Variants in TSPAN17 observed in about 807,000 individuals in gnomAD.
The protein encoded by TSPAN17 is tetraspanin 17.
Under a neutral mutation model 40.5 loss-of-function variants are expected in TSPAN17, and 33 were observed. The observed-to-expected ratio is 0.81, with a 90% CI of 0.62 to 1.09. The LOEUF is 1.09. Ranked by LOEUF, TSPAN17 falls within the 50% of genes least tolerant of loss-of-function variation. The pLI is 0.00. For missense variants in TSPAN17, 365 were observed against 416.8 expected (o/e 0.88, Z 1.08); for synonymous variants, 166 against 169.4 (o/e 0.98, Z 0.15).
intron 5 of TSPAN17, among the ~76,000 whole-genome samples, 195 bp downstream of exon 5, chr5:176,655,215 C>T (rs893507697): frequency 6.6e-6 from 1 of 152,166 alleles, no homozygotes; most frequent in Non-Finnish European, 1.5e-5. Flanking sequence ...TCTTTTTTAT[C>T]GTAGTGAGAT....
At chr5:176,648,876 G>T (rs1042074452) in intron 1 of TSPAN17, among the ~76,000 whole-genome samples, 2 of 152,216 alleles carry the variant, frequency 1.3e-5, no homozygotes, top group Admixed American at 6.5e-5. Flanking sequence ...TGAAGGAATA[G>T]ACACAGAGAA....
intron 1 of TSPAN17, 75 bp downstream of exon 1, chr5:176,647,777 G>A: frequency 7.3e-7 from 1 of 1,373,612 alleles, no homozygotes; most frequent in Non-Finnish European, 9.9e-7. Flanking sequence ...TGCTGGGGGA[G>A]ACCACTCCCT....
intron 5 of TSPAN17, 51 bp from the exon 6 acceptor site, chr5:176,656,027 C>A: frequency 1.3e-6 from 2 of 1,564,000 alleles, no homozygotes; most frequent in Non-Finnish European, 1.8e-6. Flanking sequence ...GTACCATGGA[C>A]CCCATGGGAT....
intron 1 of TSPAN17, 98 bp downstream of exon 1, chr5:176,647,800 TGGAGCTCG>T: frequency 9.1e-6 from 11 of 1,214,600 alleles, no homozygotes; most frequent in Non-Finnish European, 1.1e-5. Flanking sequence ...CCCAAGAGTT[TGGAGCTCG>T]GGACCATCCC....
At position 176,650,284 on chromosome 5, in the gene TSPAN17, G is replaced by A. The variant is rs1760919873; in HGVS notation, c.88-1332G>A. ...GGAAGAACGGCAGAAGGCTGAGGCT[G>A]GAGGCCGTGGGACCAGCCACAGGTG... On this transcript the variant is annotated intron_variant, in intron 1 of 8. Transcript: ENST00000508164. This position sits in a 1 kb window ranked among gnomAD's most constrained non-coding sequence, Gnocchi z 4.0. Among the ~76,000 whole-genome samples, 1 of 152,220 alleles carries A rather than the reference G, an allele frequency of 6.6e-6. No individual in the cohort carries two copies. Among genetic ancestry groups the A allele is most frequent in the Non-Finnish European group, 1.5e-5 (1 of 68,044 alleles).
chr5:176,652,256 C>A (rs1256724692), intron 3 of TSPAN17, among the ~76,000 whole-genome samples: 1 of 152,222 alleles, frequency 6.6e-6, no homozygotes, highest in Non-Finnish European at 1.5e-5. Flanking sequence ...GGAACAGAGC[C>A]GGCTTCCCCA....
In TSPAN17 at chr5:176,657,588, G is replaced by A. The variant is rs1217717300; in HGVS notation, c.880G>A (p.Gly294Arg). Reference sequence around the variant, plus strand: ...CATTTCCGAGGTCCTGTCCACGGCGGGGCCTCAGCAGAACTCTCTGACTGG... The same window carrying A: ...CATTTCCGAGGTCCTGTCCACGGCGAGGCCTCAGCAGAACTCTCTGACTGG... ...PTISEVLSTA[G>R]PQQNSLTGAP... The change falls in exon 9 of 9, where the codon GGG becomes AGG. Residue 294 changes from glycine to arginine, a missense_variant. By Grantham distance (125) the Gly-to-Arg change is moderately radical. Coordinates refer to ENST00000508164, the MANE Select transcript of TSPAN17 (RefSeq NM_130465.5). 1 of 1,613,764 alleles carries A rather than the reference G, an allele frequency of 6.2e-7. No homozygotes were observed. The highest frequency in any genetic ancestry group is 1.1e-5 in the South Asian group (1 of 91,080).
In TSPAN17 at chr5:176,647,528, C is replaced by A; in HGVS notation, c.-88C>A. 9.4e-7 allele frequency: 1 copy of A among 1,063,372 alleles called. No individual in the cohort carries two copies. Among genetic ancestry groups the A allele is most frequent in the Non-Finnish European group, 1.3e-6 (1 of 797,526 alleles). The allele number at this position is 1,063,372 out of a possible 1,614,324, so 65.9% of individuals were successfully genotyped here. On this transcript the variant is annotated 5_prime_UTR_variant, in exon 1 of 9. Coordinates refer to ENST00000508164, the MANE Select transcript of TSPAN17 (RefSeq NM_130465.5). ...ATGAAGCCGCAGCCGCCCGGCTAGG[C>A]CCCGGGCGGCTCTAGCCCAGGGCGG...
rs1190701840 is a variant in TSPAN17, at chr5:176,650,320, G to A, written c.88-1296G>A. 1.3e-5 allele frequency among the ~76,000 whole-genome samples: 2 copies of A among 152,178 alleles called. No individual in the cohort carries two copies. The highest frequency in any genetic ancestry group is 1.3e-4 in the Admixed American group (2 of 15,282). ...GACCAGCCACAGGTGGTCCCTCCAG[G>A]AACACAGCCCTCCAGGAACTCCTGC... On this transcript the variant is annotated intron_variant, in intron 1 of 8. Transcript: ENST00000508164. The surrounding 1 kb of genome is among the most constrained non-coding windows in gnomAD (Gnocchi z 4.0).
intron 5 of TSPAN17, among the ~76,000 whole-genome samples, chr5:176,655,415 ACTGG>A: frequency 6.6e-6 from 1 of 152,286 alleles, no homozygotes; most frequent in South Asian, 2.1e-4. Flanking sequence ...CCAGCACCCC[ACTGG>A]GCCACCGTTG....
At chr5:176,657,031 T>A in intron 8 of TSPAN17, 75 bp downstream of exon 8, 1 of 1,444,964 alleles carries the variant, frequency 6.9e-7, no homozygotes, top group Non-Finnish European at 9.4e-7. Flanking sequence ...ACCCTCCTAC[T>A]ATACTCCTGA....
chr5:176,649,152 T>G (rs1581191701), intron 1 of TSPAN17, among the ~76,000 whole-genome samples: 1 of 148,964 alleles, frequency 6.7e-6, no homozygotes. Context: ...GTGTGGAGGG[T>G]GGATGAGGGG....
chr5:176,654,890 C>G lies in TSPAN17; in HGVS notation c.457-5C>G, dbSNP rs1459194919. ...CTCACCTGGGGCTCTCCCCTGCCCC[C>G]ACAGTGGTCTTGCTGCGGAGCCCGA... On this transcript the variant is annotated splice_polypyrimidine_tract_variant and splice_region_variant and intron_variant, in intron 4 of 8. Coordinates refer to ENST00000508164, the MANE Select transcript of TSPAN17 (RefSeq NM_130465.5). This position sits in a 1 kb window ranked among gnomAD's most constrained non-coding sequence, Gnocchi z 4.3. 1.9e-6 allele frequency: 3 copies of G among 1,613,710 alleles called. No homozygotes were observed. Among genetic ancestry groups the G allele is most frequent in the African/African-American group, 2.7e-5 (2 of 75,052 alleles).
chr5:176,652,223 A>C (rs1348542933), intron 3 of TSPAN17, among the ~76,000 whole-genome samples: 1 of 152,138 alleles, frequency 6.6e-6, no homozygotes, highest in Non-Finnish European at 1.5e-5. Context: ...GTTTGGCTCC[A>C]TTCCCAGGTG....
chr5:176,656,107 C>T lies in TSPAN17; in HGVS notation c.612C>T (p.Tyr204=), dbSNP rs761897090. The T allele has an allele frequency of 1.1e-5, 18 of 1,614,016 alleles. No individual in the cohort carries two copies. Among genetic ancestry groups the T allele is most frequent in the African/African-American group, 5.3e-5 (4 of 74,924 alleles). Residue 204 remains tyrosine, a synonymous_variant, in exon 6 of 9, where the codon TAC becomes TAT. Coordinates refer to ENST00000508164, the MANE Select transcript of TSPAN17 (RefSeq NM_130465.5). ...AEDVLNTQCG[Y]DVRLKLELEQ... ...ATGTCCTCAACACCCAGTGTGGCTA[C>T]GACGTCCGGCTCAAACTGGTGAGAG... is the stretch of plus-strand genomic sequence containing the variant.
At chr5:176,657,259 GCAGCT>G (rs1220619748) in intron 8 of TSPAN17, 1 of 658,540 alleles carries the variant, frequency 1.5e-6, no homozygotes, top group Non-Finnish European at 2.5e-6. Context: ...TAGGAAGGGC[GCAGCT>G]CAGAGGGTGC....
chr5:176,654,716 G>A lies in TSPAN17; in HGVS notation c.457-179G>A. On this transcript the variant is annotated intron_variant, in intron 4 of 8. Coordinates refer to ENST00000508164, the MANE Select transcript of TSPAN17 (RefSeq NM_130465.5). This position sits in a 1 kb window ranked among gnomAD's most constrained non-coding sequence, Gnocchi z 4.3. The stretch of plus-strand genomic sequence containing the variant: ...AGTGTCCCCTCCCTTGCACCCCTCT[G>A]CCTCCACCAGCCTGGAGGTTGGGCC... 2.9e-6 allele frequency: 2 copies of A among 695,322 alleles called. No individual in the cohort carries two copies. Among genetic ancestry groups the A allele is most frequent in the Non-Finnish European group, 4.7e-6 (2 of 423,124 alleles). The allele number at this position is 695,322 out of a possible 1,614,324, so 43.1% of individuals were successfully genotyped here. A position where few individuals can be genotyped will look rare whatever the true frequency, so the allele number is the denominator to read the frequency against.
Position 176,654,749 on chromosome 5 carries a change from G to C in TSPAN17, c.457-146G>C. The C allele has an allele frequency of 9.8e-7, 1 of 1,020,558 alleles. No homozygotes were observed. 63.2% of individuals were successfully genotyped at this position (1,020,558 alleles called of 1,614,324 possible). A position where few individuals can be genotyped will look rare whatever the true frequency, so the allele number is the denominator to read the frequency against. Reference sequence around the variant, plus strand: ...CAGCCTGGAGGTTGGGCCCAGGCCTGTGGGGGTGGGGAGGTGGCCACCCAC... The same window carrying C: ...CAGCCTGGAGGTTGGGCCCAGGCCTCTGGGGGTGGGGAGGTGGCCACCCAC... On this transcript the variant is annotated intron_variant, in intron 4 of 8. Coordinates refer to ENST00000508164, the MANE Select transcript of TSPAN17 (RefSeq NM_130465.5). This position sits in a 1 kb window ranked among gnomAD's most constrained non-coding sequence, Gnocchi z 4.3.
chr5:176,649,150 G>T (rs1414279191), intron 1 of TSPAN17, among the ~76,000 whole-genome samples: 1 of 152,162 alleles, frequency 6.6e-6, no homozygotes, highest in African/African-American at 2.4e-5. Flanking sequence ...CTGTGTGGAG[G>T]GTGGATGAGG....
Sources: gnomAD v4.1 joint callset for allele counts (sites outside exome capture counted in the v4.1 genomes callset) on GRCh38, gnomAD v4.1.1 for gene constraint, Gnocchi (gnomAD v3.1) non-coding constraint, MANE v1.5 for transcripts, NCBI Gene and HGNC (gene_info 2026-07-23, HGNC 2026-07-21) for gene names.